Variants in EIF5B observed in about 807,000 individuals in gnomAD.
EIF5B encodes the protein eukaryotic translation initiation factor 5B.
In EIF5B, 47 loss-of-function variants were observed where a neutral mutation model predicts 147.5. The observed-to-expected ratio is 0.32, with a 90% confidence interval of 0.25 to 0.41. The LOEUF (loss-of-function observed/expected upper bound fraction) is 0.41. Ranked by LOEUF, EIF5B falls within the 10% of genes least tolerant of loss-of-function variation. EIF5B has a pLI of 1.00. For missense variants in EIF5B, 1,064 were observed against 1,413.2 expected (o/e 0.75, Z 3.96); for synonymous variants, 455 against 456.2 (o/e 1.00, Z 0.03).
In EIF5B at chr2:99,394,254, A is replaced by G. The variant is rs769004475; in HGVS notation, c.2881-13A>G. On this transcript the variant is annotated splice_polypyrimidine_tract_variant and intron_variant, in intron 18 of 23. Coordinates refer to ENST00000289371, the MANE Select transcript of EIF5B (RefSeq NM_015904.4). ...TGTGTTGACAACCTTATCAAATCTG[A>G]TTTCTTTTCAAGGATGAATTGATCC... 6.3e-7 allele frequency: 1 copy of G among 1,599,068 alleles called. No individual in the cohort carries two copies. Among genetic ancestry groups the G allele is most frequent in the Non-Finnish European group, 8.5e-7 (1 of 1,175,744 alleles).
At chr2:99,375,117 CTG>C (rs72159388) in intron 9 of EIF5B, among the ~76,000 whole-genome samples, 25,462 of 151,984 alleles carry the variant, frequency 0.17, 2,688 homozygotes, top group African/African-American at 0.28. Flanking sequence ...TTGCTTCTGA[CTG>C]AATGTTAGAA....
chr2:99,342,810 T>C (rs1378593141), intron 1 of EIF5B, among the ~76,000 whole-genome samples: 2 of 151,814 alleles, frequency 1.3e-5, no homozygotes, highest in African/African-American at 2.4e-5. Context: ...TTTTAAAAAT[T>C]TTTTGTAGAG....
rs1281368597 is a variant in EIF5B, at chr2:99,382,141, T to C, written c.2062-18T>C. The C allele has an allele frequency of 6.2e-7, 1 of 1,609,328 alleles. No individual in the cohort carries two copies. The highest frequency in any genetic ancestry group is 2.2e-5 in the East Asian group (1 of 44,780). On this transcript the variant is annotated intron_variant, in intron 12 of 23. Coordinates refer to ENST00000289371, the MANE Select transcript of EIF5B (RefSeq NM_015904.4). Reference sequence around the variant, plus strand: ...GTCTGACTTTCTTAAACTTTGAACTTTTCCCCATTGTTTCTAGTTTGATAG... The same window carrying C: ...GTCTGACTTTCTTAAACTTTGAACTCTTCCCCATTGTTTCTAGTTTGATAG...
rs765042576 is a variant in EIF5B, at chr2:99,394,372, G to A, written c.2986G>A (p.Glu996Lys). The A allele has an allele frequency of 6.2e-7, 1 of 1,613,972 alleles. No homozygotes were observed. The change falls in exon 19 of 24, where the codon GAA becomes AAA. Residue 996 changes from glutamate to lysine, a missense_variant. By Grantham distance (56) the Glu-to-Lys change is moderately conservative. Around this residue, in one of 4 missense-constraint regions of EIF5B, gnomAD observed 380 missense variants for 715.6 expected, o/e 0.53. Coordinates refer to ENST00000289371, the MANE Select transcript of EIF5B (RefSeq NM_015904.4). ...STLGSLEALL[E>K]FLKTSEVPYA... ...ACTGGGTTCTTTGGAAGCTCTACTG[G>A]AATTTCTGAAAACATCAGAAGTGCC...
chr2:99,350,859 CATTTT>C (rs1181229253), intron 1 of EIF5B, among the ~76,000 whole-genome samples: 2 of 152,050 alleles, frequency 1.3e-5, no homozygotes, highest in African/African-American at 4.8e-5. Context: ...TTAAGTAGTT[CATTTT>C]GAGTTGATTT....
intron 1 of EIF5B, among the ~76,000 whole-genome samples, chr2:99,343,000 G>A (rs2094263760): frequency 6.7e-6 from 1 of 149,494 alleles, no homozygotes; most frequent in Non-Finnish European, 1.5e-5. Context: ...TTACTCTGTT[G>A]GCCAGGCTGG....
intron 9 of EIF5B, among the ~76,000 whole-genome samples, chr2:99,375,475 C>T (rs1674544713): frequency 6.6e-6 from 1 of 152,172 alleles, no homozygotes; most frequent in African/African-American, 2.4e-5. Flanking sequence ...GATTGTACCC[C>T]ACAGTAAGGG....
chr2:99,381,552 T>TGTGTGA (rs1362008404), intron 12 of EIF5B, among the ~76,000 whole-genome samples: 1 of 151,266 alleles, frequency 6.6e-6, no homozygotes, highest in Non-Finnish European at 1.5e-5. Context: ...TGTGTGTGTG[T>TGTGTGA]GAAATTAGTT....
intron 8 of EIF5B, among the ~76,000 whole-genome samples, chr2:99,370,356 C>T (rs542129824): frequency 6.6e-6 from 1 of 152,006 alleles, no homozygotes; most frequent in South Asian, 2.1e-4. Context: ...GAATCCCCAG[C>T]GATTAAAGAT....
chr2:99,379,829 G>A (rs954854940), intron 12 of EIF5B, among the ~76,000 whole-genome samples: 35 of 151,920 alleles, frequency 2.3e-4, no homozygotes, highest in African/African-American at 8.5e-4. Flanking sequence ...TTCAGTTTAT[G>A]TATGTTAAAT....
At chr2:99,342,330 G>A (rs2094261572) in intron 1 of EIF5B, among the ~76,000 whole-genome samples, 2 of 151,872 alleles carry the variant, frequency 1.3e-5, no homozygotes, top group Non-Finnish European at 2.9e-5. Context: ...TGTGACACTT[G>A]ACATCTTTAT....
chr2:99,363,630 T>C lies in EIF5B; in HGVS notation c.920-15T>C, dbSNP rs752603680. ...TTTTTTCATTTCAATGCTTTGCCTT[T>C]ATTCTTTTTGGTAGATGACAATGAA... is the stretch of plus-strand genomic sequence containing the variant. On this transcript the variant is annotated splice_polypyrimidine_tract_variant and intron_variant, in intron 4 of 23. Transcript: ENST00000289371. 5.7e-6 allele frequency: 9 copies of C among 1,572,842 alleles called. No individual in the cohort carries two copies. The highest frequency in any genetic ancestry group is 2.4e-5 in the South Asian group (2 of 82,940).
chr2:99,363,526 C>T (rs1373135852), intron 4 of EIF5B, 119 bp from the exon 5 acceptor site: 1 of 989,634 alleles, frequency 1.0e-6, no homozygotes, highest in Non-Finnish European at 1.5e-6. Context: ...AGAACTTAGC[C>T]TGCTGCTGGC....
chr2:99,384,326 C>A (rs1037246650), intron 14 of EIF5B, among the ~76,000 whole-genome samples: 4 of 151,986 alleles, frequency 2.6e-5, no homozygotes, highest in Admixed American at 6.6e-5. Context: ...ACCAACTGCT[C>A]AGAGAAAAAG....
At chr2:99,398,572 G>A in intron 22 of EIF5B, 176 bp from the exon 23 acceptor site, 1 of 600,334 alleles carries the variant, frequency 1.7e-6, no homozygotes, top group Admixed American at 3.2e-5. Flanking sequence ...GGAATAGGGT[G>A]TTGGTGGTGC....
intron 16 of EIF5B, 30 bp downstream of exon 16, chr2:99,390,431 T>G: frequency 1.3e-6 from 2 of 1,570,838 alleles, no homozygotes; most frequent in Non-Finnish European, 1.7e-6. Context: ...TTTATTGTTT[T>G]TTTTTTTTTT....
chr2:99,395,265 C>T (rs148894632), intron 21 of EIF5B, among the ~76,000 whole-genome samples: 1 of 152,326 alleles, frequency 6.6e-6, no homozygotes, highest in African/African-American at 2.4e-5. Context: ...CAAACTTTCA[C>T]TCAAGCACTC....
rs1201499397 is a variant in EIF5B at position 99,361,395 on chromosome 2, A to C, written c.494A>C (p.Glu165Ala). 6.2e-7 allele frequency: 1 copy of C among 1,613,926 alleles called. No homozygotes were observed. Among genetic ancestry groups the C allele is most frequent in the Admixed American group, 1.7e-5 (1 of 59,998 alleles). The change falls in exon 4 of 24, where the codon GAG (glutamate) becomes GCG (alanine). Residue 165 changes from glutamate (E) to alanine (A), a missense_variant. Coordinates refer to ENST00000289371, the MANE Select transcript of EIF5B (RefSeq NM_015904.4). ...QKSNKKWDGS[E>A]EDEDNSKKIK... The stretch of plus-strand genomic sequence containing the variant: ...TCAAATAAGAAGTGGGATGGGTCAG[A>C]GGAGGATGAGGATAACAGTAAAAAA...
rs1458636627 is a variant in EIF5B, at chr2:99,400,239, GT to G, written c.*829del. The G allele has an allele frequency of 9.3e-5, 14 of 150,914 alleles. No homozygotes were observed. Among genetic ancestry groups the G allele is most frequent in the Admixed American group, 8.5e-4 (13 of 15,230 alleles). The allele number at this position is 150,914 out of a possible 1,614,324, so 9.3% of individuals were successfully genotyped here. On this transcript the variant is annotated 3_prime_UTR_variant, in exon 24 of 24. Coordinates refer to ENST00000289371, the MANE Select transcript of EIF5B (RefSeq NM_015904.4). ...TCTTGATCTGTTTTAATCTTGATCT[GT>G]TTTAGTAGAGATTTTTATACATTAA...
Sources: allele counts gnomAD v4.1 joint callset (sites outside exome capture counted in the v4.1 genomes callset), GRCh38; gene constraint gnomAD v4.1.1; regional missense constraint gnomAD v4.1.1; transcripts MANE v1.5; gene names NCBI Gene and HGNC (gene_info 2026-07-23, HGNC 2026-07-21).